The following PAK6 variants were observed in gnomAD, a reference collection of about 807,000 sequenced individuals.
PAK6 encodes the protein serine/threonine-protein kinase PAK 6.
A neutral mutation model predicts 60.8 loss-of-function variants in PAK6; 33 were observed. The observed-to-expected ratio is 0.54, with a 90% CI of 0.41 to 0.73. PAK6 has a LOEUF of 0.73. Among genes scored for constraint, PAK6 ranks in the 30% least tolerant of loss-of-function variants. PAK6 has a pLI of 0.00. For missense variants in PAK6, 845 were observed against 904.1 expected, an observed-to-expected ratio of 0.93 and a Z score of 0.84; for synonymous variants, 404 against 378.5, an observed-to-expected ratio of 1.07 and a Z score of -0.78.
At chr15:40,267,090 C>T (rs1411358415) in intron 5 of PAK6, 1 of 152,506 alleles carries the variant, frequency 6.6e-6, no homozygotes, top group African/African-American at 2.4e-5. Context: ...CCTCTTGGCT[C>T]ATGACTCTTG....
intron 2 of PAK6, chr15:40,252,767 G>A (rs1055003817): frequency 1.5e-6 from 2 of 1,301,190 alleles, no homozygotes; most frequent in African/African-American, 1.5e-5. Context: ...CTTCCTGGGT[G>A]CCCATGCCCC....
intron 5 of PAK6, 27 bp downstream of exon 5, chr15:40,266,522 G>A (rs748184343): frequency 2.6e-6 from 4 of 1,560,360 alleles, no homozygotes; most frequent in African/African-American, 1.4e-5. Flanking sequence ...GCCTGCAGGT[G>A]TCCACTGGGG....
intron 2 of PAK6, among the ~76,000 whole-genome samples, chr15:40,250,310 G>A (rs749727451): frequency 6.6e-5 from 10 of 152,182 alleles, no homozygotes; most frequent in South Asian, 2.1e-4. Flanking sequence ...GCAACGGGGC[G>A]GATCGTGCAA....
chr15:40,263,866 C>G, intron 3 of PAK6: 1 of 455,436 alleles, frequency 2.2e-6, no homozygotes, highest in Non-Finnish European at 4.4e-6. Context: ...ATCCACCCGC[C>G]TCGGCCTCCC....
chr15:40,251,441 C>T (rs550925603), intron 2 of PAK6: 3 of 152,418 alleles, frequency 2.0e-5, no homozygotes, highest in Admixed American at 2.0e-4. Context: ...GAAACCAATA[C>T]AGCCTATAAT....
At position 40,253,690 on chromosome 15, in the gene PAK6, G is replaced by T. The variant is rs570679946; in HGVS notation, c.-6+401G>T. ...GTGCAGGGCAGGGTGGGAGGCAGCC[G>T]TGGGAGACTCCCGCAGGAGTTACAG... On this transcript the variant is annotated intron_variant, in intron 3 of 10. Transcript: ENST00000560346. Among the ~76,000 whole-genome samples the T allele has an allele frequency of 4.6e-5, 7 of 152,338 alleles. No individual in the cohort carries two copies. In the East Asian group the frequency reaches 1.4e-3, roughly 29 times the overall value.
At chr15:40,263,243 C>A (rs1464727227) in intron 3 of PAK6, among the ~76,000 whole-genome samples, 7 of 152,198 alleles carry the variant, frequency 4.6e-5, no homozygotes, top group Non-Finnish European at 1.0e-4. Flanking sequence ...GATCTTCGGG[C>A]GGATGAGTAA....
intron 3 of PAK6, among the ~76,000 whole-genome samples, chr15:40,262,660 C>T (rs1441846629): frequency 6.6e-6 from 1 of 152,180 alleles, no homozygotes; most frequent in Non-Finnish European, 1.5e-5. Context: ...TAAGTCTGAG[C>T]AGAAAGTGGT....
intron 3 of PAK6, among the ~76,000 whole-genome samples, chr15:40,254,447 C>T (rs919083476): frequency 3.3e-5 from 5 of 152,172 alleles, no homozygotes; most frequent in African/African-American, 7.2e-5. Flanking sequence ...CTCTGGACCT[C>T]GTGGTGACCC....
exon 4 of PAK6, chr15:40,264,956 G>A (rs772826006): frequency 2.2e-5 from 35 of 1,613,588 alleles, no homozygotes; most frequent in Non-Finnish European, 2.8e-5. Context: ...TGGACCCTTC[G>A]CGAATCACAC....
At chr15:40,267,584 G>A (rs1193024342) in intron 5 of PAK6, among the ~76,000 whole-genome samples, 2 of 152,188 alleles carry the variant, frequency 1.3e-5, no homozygotes, top group African/African-American at 4.8e-5. Flanking sequence ...GCGTGAACCC[G>A]GGAGGCAGAG....
intron 2 of PAK6, chr15:40,252,621 G>A (rs773338047): frequency 7.4e-7 from 1 of 1,342,484 alleles, no homozygotes; most frequent in South Asian, 1.2e-5. Context: ...CCCGCGCCGA[G>A]GTCCCTCCCG....
intron 5 of PAK6, among the ~76,000 whole-genome samples, chr15:40,271,875 C>T (rs2039311731): frequency 6.6e-6 from 1 of 152,200 alleles, no homozygotes. Flanking sequence ...GAGTCTGCCT[C>T]ACGGCAGCCT....
chr15:40,257,785 C>T (rs562157108), intron 3 of PAK6, among the ~76,000 whole-genome samples: 5 of 152,218 alleles, frequency 3.3e-5, no homozygotes, highest in African/African-American at 4.8e-5. Context: ...AGGGAGGAGA[C>T]GTTGAGGAGG....
chr15:40,261,461 C>T (rs2038984189), intron 3 of PAK6, among the ~76,000 whole-genome samples: 2 of 151,924 alleles, frequency 1.3e-5, no homozygotes, highest in African/African-American at 2.4e-5. Context: ...CACTTGAACC[C>T]GGGAGGCAGA....
At chr15:40,265,966 G>A (rs149461942) in exon 5 of PAK6, 63 of 1,604,442 alleles carry the variant, frequency 3.9e-5, no homozygotes, top group African/African-American at 1.9e-4. Context: ...AGCCGGCGGC[G>A]GGCACAGTCC....
At chr15:40,275,279 G>A (rs1466200643) in intron 10 of PAK6, among the ~76,000 whole-genome samples, 1 of 13,712 alleles carries the variant, frequency 7.3e-5, no homozygotes, top group Admixed American at 1.0e-3. Context: ...TGTTGTTGTT[G>A]GTTTTTTTTT....
intron 2 of PAK6, among the ~76,000 whole-genome samples, chr15:40,249,449 G>A (rs559852270): frequency 2.8e-4 from 43 of 152,220 alleles, no homozygotes; most frequent in Non-Finnish European, 6.0e-4. Context: ...CAGGGTTCTT[G>A]TGAAGACTAA....
chr15:40,252,470 G>T, intron 2 of PAK6: 1 of 1,362,388 alleles, frequency 7.3e-7, no homozygotes. Flanking sequence ...TCCTGGCCAA[G>T]GCCCCAGCGA....
Sources: gnomAD v4.1 joint callset for allele counts (sites outside exome capture counted in the v4.1 genomes callset) on GRCh38, gnomAD v4.1.1 for gene constraint, MANE v1.5 for transcripts, NCBI Gene and HGNC (gene_info 2026-07-23, HGNC 2026-07-21) for gene names.